TBC1D19: variants seen among roughly 807,000 people sequenced by gnomAD.
TBC1D19 encodes TBC1 domain family member 19.
Under a neutral mutation model 89.0 loss-of-function variants are expected in TBC1D19, and 60 were observed. The observed-to-expected ratio is 0.67, with a 90% CI of 0.55 to 0.84. TBC1D19 has a LOEUF of 0.84. Ranked by LOEUF, TBC1D19 falls within the 40% of genes least tolerant of loss-of-function variation. The probability of loss-of-function intolerance (pLI) is 0.00; values close to 1 mark genes in which losing one functional copy is unlikely to be tolerated. For synonymous variants in TBC1D19, 189 were observed against 199.7 expected, an observed-to-expected ratio of 0.95 and a Z score of 0.45; for missense variants, 500 against 610.8, an observed-to-expected ratio of 0.82 and a Z score of 1.91.
At chr4:26,798,927 C>A in the TBC1D19 span, among the ~76,000 whole-genome samples, 1 of 151,880 alleles carries the variant, frequency 6.6e-6, no homozygotes, top group African/African-American at 2.4e-5. Flanking sequence ...TTATCTGGTA[C>A]AATGTTCACT....
At chr4:26,620,021 T>C (rs991107842) in intron 3 of TBC1D19, among the ~76,000 whole-genome samples, 1 of 152,230 alleles carries the variant, frequency 6.6e-6, no homozygotes, top group African/African-American at 2.4e-5. Context: ...CAAATAAACA[T>C]TGAACCATCA....
intron 16 of TBC1D19, among the ~76,000 whole-genome samples, chr4:26,738,212 T>C (rs576834415): frequency 6.9e-4 from 105 of 151,516 alleles, no homozygotes; most frequent in African/African-American, 2.5e-3. Context: ...TAATTGTAAA[T>C]TTCTTTTATA....
chr4:26,787,914 C>T, the TBC1D19 span, among the ~76,000 whole-genome samples: 2 of 152,286 alleles, frequency 1.3e-5, no homozygotes, highest in East Asian at 1.9e-4. Flanking sequence ...CCAGCACTCT[C>T]CTCCCTCCCC....
the TBC1D19 span, among the ~76,000 whole-genome samples, chr4:26,820,415 G>T: frequency 6.6e-6 from 1 of 152,024 alleles, no homozygotes; most frequent in Non-Finnish European, 1.5e-5. Flanking sequence ...GACTTTTCTA[G>T]AGTCCACATG....
intron 13 of TBC1D19, among the ~76,000 whole-genome samples, chr4:26,696,899 C>G (rs1018692953): frequency 1.7e-4 from 26 of 152,050 alleles, no homozygotes; most frequent in Admixed American, 7.2e-4. Context: ...GCCCACAAGA[C>G]AAAGCAGGAA....
chr4:26,787,220 G>C, the TBC1D19 span, among the ~76,000 whole-genome samples: 10 of 150,500 alleles, frequency 6.6e-5, no homozygotes, highest in African/African-American at 9.8e-5. Flanking sequence ...TCATGCCTCA[G>C]CTTCCCAAGT....
chr4:26,743,692 C>T (rs1250228607), intron 18 of TBC1D19, among the ~76,000 whole-genome samples: 2 of 151,878 alleles, frequency 1.3e-5, no homozygotes, highest in Non-Finnish European at 2.9e-5. Context: ...ATTGATAATA[C>T]TGAGTGGATA....
chr4:26,581,391 A>G (rs1385250289), upstream of TBC1D19, among the ~76,000 whole-genome samples: 1 of 151,748 alleles, frequency 6.6e-6, no homozygotes, highest in African/African-American at 2.4e-5. Flanking sequence ...CCATCCCCTA[A>G]CAGGCCCTGG....
chr4:26,788,373 C>T, the TBC1D19 span, among the ~76,000 whole-genome samples: 3 of 152,134 alleles, frequency 2.0e-5, no homozygotes, highest in East Asian at 5.8e-4. Flanking sequence ...TGGGAGGTTC[C>T]CGGATACTCA....
chr4:26,844,361 A>G, the TBC1D19 span, among the ~76,000 whole-genome samples: 12 of 152,364 alleles, frequency 7.9e-5, no homozygotes, highest in Non-Finnish European at 1.3e-4. Context: ...TTAGATCGTC[A>G]AATAAAATAG....
chr4:26,825,242 G>A, the TBC1D19 span, among the ~76,000 whole-genome samples: 274 of 152,200 alleles, frequency 1.8e-3, 1 homozygote, highest in African/African-American at 6.4e-3. Flanking sequence ...GGGACTACAG[G>A]TGCACACCAC....
At chr4:26,733,593 T>A (rs1717795194) in intron 15 of TBC1D19, among the ~76,000 whole-genome samples, 1 of 152,004 alleles carries the variant, frequency 6.6e-6, no homozygotes, top group South Asian at 2.1e-4. Context: ...ATGAAAGGAG[T>A]TTCTACTGAT....
At chr4:26,649,862 C>G (rs1044172784) in intron 7 of TBC1D19, among the ~76,000 whole-genome samples, 3 of 152,010 alleles carry the variant, frequency 2.0e-5, no homozygotes, top group Non-Finnish European at 4.4e-5. Context: ...TCCCTCCCCT[C>G]TCCCCCAACC....
intron 18 of TBC1D19, 31 bp from the exon 19 acceptor site, chr4:26,748,380 T>C: frequency 6.6e-7 from 1 of 1,508,654 alleles, no homozygotes; most frequent in African/African-American, 1.4e-5. Context: ...ATTTCAGTGG[T>C]ACATTAATTT....
chr4:26,843,281 C>A, the TBC1D19 span, among the ~76,000 whole-genome samples: 7 of 152,136 alleles, frequency 4.6e-5, no homozygotes, highest in South Asian at 1.4e-3. Flanking sequence ...ATATCAATGT[C>A]ACATCCAAGT....
chr4:26,579,262 G>C (rs1739025104), upstream of TBC1D19, among the ~76,000 whole-genome samples: 1 of 152,170 alleles, frequency 6.6e-6, no homozygotes, highest in South Asian at 2.1e-4. Flanking sequence ...CATCACGGCA[G>C]AAGAAACCAT....
At chr4:26,654,858 GCTT>G (rs1427635458) in intron 7 of TBC1D19, among the ~76,000 whole-genome samples, 1 of 151,934 alleles carries the variant, frequency 6.6e-6, no homozygotes, top group African/African-American at 2.4e-5. Context: ...TCTTCTGAAG[GCTT>G]CTTCTCTCAA....
chr4:26,580,968 G>A (rs575011560), upstream of TBC1D19, among the ~76,000 whole-genome samples: 2 of 152,262 alleles, frequency 1.3e-5, no homozygotes, highest in East Asian at 3.9e-4. Flanking sequence ...AGAAAGGCAG[G>A]GTTGGGCCCA....
At chr4:26,699,455 C>T (rs1472399597) in intron 13 of TBC1D19, among the ~76,000 whole-genome samples, 26 of 152,090 alleles carry the variant, frequency 1.7e-4, no homozygotes, top group Non-Finnish European at 3.2e-4. Flanking sequence ...GATAGTGTGG[C>T]GATTCCTCAA....
Sources: allele counts gnomAD v4.1 joint callset (sites outside exome capture counted in the v4.1 genomes callset), GRCh38; gene constraint gnomAD v4.1.1; transcripts MANE v1.5; gene names NCBI Gene and HGNC (gene_info 2026-07-23, HGNC 2026-07-21).